KMT2B: variants seen among roughly 807,000 people sequenced by gnomAD.
KMT2B encodes the protein histone-lysine N-methyltransferase 2B.
A neutral mutation model predicts 255.3 loss-of-function variants in KMT2B; 22 were observed. That is an observed-to-expected ratio of 0.09 (90% CI 0.06 to 0.12). The LOEUF (loss-of-function observed/expected upper bound fraction) is 0.12, where lower values mean the gene tolerates loss of function less well. KMT2B is among the 10% of genes least tolerant of loss of function. The pLI is 1.00. For synonymous variants in KMT2B, 1,730 were observed against 1,498.1 expected, an observed-to-expected ratio of 1.15 and a Z score of -3.57; for missense variants, 3,149 against 3,737.0, an observed-to-expected ratio of 0.84 and a Z score of 4.10.
rs1969207157 is a variant in KMT2B at position 35,721,506 on chromosome 19, C to G, written c.2159C>G (p.Ser720Cys). The G allele has an allele frequency of 1.2e-6, 2 of 1,612,216 alleles. No individual in the cohort carries two copies. Among genetic ancestry groups the G allele is most frequent in the Non-Finnish European group, 1.7e-6 (2 of 1,179,876 alleles). ...ACCACTCCTGTTAAGGCCGAGGTGT[C>G]CCCTCACGGGGCTCCAGCTCTGAGC... ...VVTTPVKAEV[S>C]PHGAPALSNG... is the part of the protein sequence containing the mutation. The change falls in exon 3 of 37, where the codon TCC (serine) becomes TGC (cysteine). Residue 720 changes from serine (S) to cysteine (C), a missense_variant. Ser to Cys is a moderately radical substitution (Grantham distance 112). Around this residue, in one of 18 missense-constraint regions of KMT2B, gnomAD observed 1,188 missense variants for 1,106.4 expected, o/e 1.07. Coordinates refer to ENST00000420124, the MANE Select transcript of KMT2B (RefSeq NM_014727.3).
rs771926530 is a variant in KMT2B, at chr19:35,730,654, C to G, written c.5276+38C>G. 4 of 1,613,738 alleles carry G rather than the reference C, an allele frequency of 2.5e-6. No homozygotes were observed. The South Asian group carries it at 4.4e-5, about 18-fold the overall frequency. ...GGTGATCCATGGGGCCAGGGGACTC[C>G]ATAGCTGGATCCCATTTCCCAAGCA... is the stretch of plus-strand genomic sequence containing the variant. On this transcript the variant is annotated intron_variant, in intron 25 of 36. Coordinates refer to ENST00000420124, the MANE Select transcript of KMT2B (RefSeq NM_014727.3).
rs745812917 is a variant in KMT2B at position 35,721,428 on chromosome 19, G to A, written c.2081G>A (p.Arg694Gln). The A allele has an allele frequency of 5.0e-6, 8 of 1,611,872 alleles. No individual in the cohort carries two copies. The highest frequency in any genetic ancestry group is 1.6e-4 in the Middle Eastern group (1 of 6,062). Residue 694 changes from arginine (R) to glutamine (Q), a missense_variant, in exon 3 of 37, where the codon CGG becomes CAG. This residue lies in a region of KMT2B where 1,188 missense variants were observed against 1,106.4 expected (regional missense o/e 1.07). Transcript: ENST00000420124. ...GACTCTCCAGCTGAGCCTGAGCCTC[G>A]GGCAGTGGGCCGCACCAACCACCTC... ...ADDSPAEPEP[R>Q]AVGRTNHLSL... is the part of the protein sequence containing the mutation.
At position 35,737,291 on chromosome 19, in the gene KMT2B, G is replaced by A. The variant is rs374864424; in HGVS notation, c.7550+28G>A. 4 of 1,471,356 alleles carry A rather than the reference G, an allele frequency of 2.7e-6. No individual in the cohort carries two copies. Among genetic ancestry groups the A allele is most frequent in the Admixed American group, 5.2e-5 (2 of 38,564 alleles). The allele number at this position is 1,471,356 out of a possible 1,614,324, so 91.1% of individuals were successfully genotyped here. A position where few individuals can be genotyped will look rare whatever the true frequency, so the allele number is the denominator to read the frequency against. On this transcript the variant is annotated intron_variant, in intron 33 of 36. Transcript: ENST00000420124. The surrounding 1 kb of genome is among the most constrained non-coding windows in gnomAD (Gnocchi z 5.3). ...GAGAGGTCTGGGGTGTGATGCCTGG[G>A]TCAGGGCGCCCCTATGAGAGCTCTT...
At position 35,733,032 on chromosome 19, in the gene KMT2B, C is replaced by T. The variant is rs1182430434; in HGVS notation, c.6483C>T (p.Arg2161=). The T allele has an allele frequency of 1.3e-6, 2 of 1,591,428 alleles. No individual in the cohort carries two copies. Among genetic ancestry groups the T allele is most frequent in the African/African-American group, 1.3e-5 (1 of 74,576 alleles). ...CCGCCAGCCCAGCTGACCCCACCCG[C>T]ACATTTGCCTGGCTCCCAGGGGCCC... is the stretch of plus-strand genomic sequence containing the variant. The part of the protein sequence containing the change: ...GLTASPADPT[R]TFAWLPGAPG... Residue 2161 remains arginine (R), a synonymous_variant, in exon 28 of 37, where the codon CGC becomes CGT. Coordinates refer to ENST00000420124, the MANE Select transcript of KMT2B (RefSeq NM_014727.3). This position sits in a 1 kb window ranked among gnomAD's most constrained non-coding sequence, Gnocchi z 4.3.
Position 35,738,442 on chromosome 19 carries a change from G to A in KMT2B, c.8033G>A (p.Arg2678His). 1.2e-6 allele frequency: 2 copies of A among 1,614,080 alleles called. No homozygotes were observed. The highest frequency in any genetic ancestry group is 1.7e-6 in the Non-Finnish European group (2 of 1,179,966). ...AAACACATTGTTATCTTCGCCCTGC[G>A]CCGCATCCTGCGTGGTGAGGAGCTC... ...GQKHIVIFAL[R>H]RILRGEELTY... is the part of the protein sequence containing the mutation. The change falls in exon 37 of 37, where the codon CGC (arginine) becomes CAC (histidine). Residue 2678 changes from arginine (R) to histidine (H), a missense_variant. By Grantham distance (29) the Arg-to-His change is conservative. Around this residue, in one of 18 missense-constraint regions of KMT2B, gnomAD observed 56 missense variants for 238.8 expected, o/e 0.23. Transcript: ENST00000420124. The surrounding 1 kb of genome is among the most constrained non-coding windows in gnomAD (Gnocchi z 8.7).
At position 35,721,327 on chromosome 19, in the gene KMT2B, G is replaced by T; in HGVS notation, c.1980G>T (p.Lys660Asn). The T allele has an allele frequency of 6.4e-7, 1 of 1,559,346 alleles. No homozygotes were observed. ...PQFTPSEAHL[K>N]IYESVLTPPP... Reference sequence around the variant, plus strand: ...TTACCCCAAGCGAAGCCCACCTGAAGATCTACGAATCGGTGCTTACTCCTC... The same window carrying T: ...TTACCCCAAGCGAAGCCCACCTGAATATCTACGAATCGGTGCTTACTCCTC... The change falls in exon 3 of 37, where the codon AAG (lysine) becomes AAT (asparagine). Residue 660 changes from lysine to asparagine, a missense_variant. Around this residue, in one of 18 missense-constraint regions of KMT2B, gnomAD observed 1,188 missense variants for 1,106.4 expected, o/e 1.07. Coordinates refer to ENST00000420124, the MANE Select transcript of KMT2B (RefSeq NM_014727.3).
In KMT2B at chr19:35,727,578, C is replaced by T. The variant is rs760798409; in HGVS notation, c.4258C>T (p.Leu1420=). 6.2e-7 allele frequency: 1 copy of T among 1,605,918 alleles called. No individual in the cohort carries two copies. The highest frequency in any genetic ancestry group is 8.5e-7 in the Non-Finnish European group (1 of 1,177,614). ...GGGCCTGCGCCAGGTGCTCCAGGGC[C>T]TGCTGAGCTCCAAGGTGGTGGGCCC... The part of the protein sequence containing the change: ...QGGLRQVLQG[L]LSSKVVGPLL... The change falls in exon 16 of 37, where the codon CTG becomes TTG. Residue 1420 remains leucine (L), a synonymous_variant. Coordinates refer to ENST00000420124, the MANE Select transcript of KMT2B (RefSeq NM_014727.3). The surrounding 1 kb of genome is among the most constrained non-coding windows in gnomAD (Gnocchi z 4.2).
intron 30 of KMT2B, chr19:35,736,022 T>G (rs1969902313): frequency 6.5e-6 from 1 of 152,736 alleles, no homozygotes; most frequent in Admixed American, 6.5e-5. Context: ...CCCAGCACTT[T>G]GGGAGGCCGA....
In KMT2B at chr19:35,718,757, G is replaced by A. The variant is rs1488533586; in HGVS notation, c.363+376G>A. Among the ~76,000 whole-genome samples the A allele has an allele frequency of 2.6e-5, 4 of 152,000 alleles. No homozygotes were observed. The highest frequency in any genetic ancestry group is 1.9e-4 in the East Asian group (1 of 5,160). ...TGGCAGACAGGTTGGAGCTGTCTGGGCTCTTACCTGTGGGCCGCCCCGCCG... is the reference window on the plus strand; with the variant it reads ...TGGCAGACAGGTTGGAGCTGTCTGGACTCTTACCTGTGGGCCGCCCCGCCG... On this transcript the variant is annotated intron_variant, in intron 1 of 36. Transcript: ENST00000420124. The surrounding 1 kb of genome is among the most constrained non-coding windows in gnomAD (Gnocchi z 5.0).
chr19:35,718,054 G>C lies in KMT2B; in HGVS notation c.36G>C (p.Gly12=). Residue 12 remains glycine, a synonymous_variant, in exon 1 of 37, where the codon GGG becomes GGC. Coordinates refer to ENST00000420124, the MANE Select transcript of KMT2B (RefSeq NM_014727.3). The surrounding 1 kb of genome is among the most constrained non-coding windows in gnomAD (Gnocchi z 5.0). ...AAAAGGGSCP[G]PGSARGRFPG... ...CGGCGGGCGGCGGCAGTTGCCCCGG[G>C]CCTGGCTCCGCGCGGGGCCGCTTCC... 1.0e-6 allele frequency: 1 copy of C among 986,698 alleles called. No individual in the cohort carries two copies. The highest frequency in any genetic ancestry group is 1.2e-6 in the Non-Finnish European group (1 of 832,090). 61.1% of individuals were successfully genotyped at this position (986,698 alleles called of 1,614,324 possible).
chr19:35,732,281 G>C lies in KMT2B; in HGVS notation c.5732G>C (p.Arg1911Thr). The change falls in exon 28 of 37, where the codon AGA becomes ACA. Residue 1911 changes from arginine (R) to threonine (T), a missense_variant. Arg to Thr is a moderately conservative substitution (Grantham distance 71, BLOSUM62 -1). This residue lies in a region of KMT2B where 897 missense variants were observed against 825.3 expected (regional missense o/e 1.09). Coordinates refer to ENST00000420124, the MANE Select transcript of KMT2B (RefSeq NM_014727.3). The stretch of plus-strand genomic sequence containing the variant: ...GACCCGGACTTCCCAGCTCCCCCCA[G>C]ACGTTCCCGTCGTCCCAGCCCTTTG... ...VGDPDFPAPPRRSRRPSPLAP... is the reference protein window; with the variant it reads ...VGDPDFPAPPTRSRRPSPLAP... 1 of 1,610,616 alleles carries C rather than the reference G, an allele frequency of 6.2e-7. No homozygotes were observed. The highest frequency in any genetic ancestry group is 2.2e-5 in the East Asian group (1 of 44,680).
In KMT2B at chr19:35,718,360, T is replaced by G; in HGVS notation, c.342T>G (p.Ser114Arg). The G allele has an allele frequency of 7.9e-7, 1 of 1,268,084 alleles. No individual in the cohort carries two copies. Among genetic ancestry groups the G allele is most frequent in the Non-Finnish European group, 1.0e-6 (1 of 1,000,336 alleles). 78.6% of individuals were successfully genotyped at this position (1,268,084 alleles called of 1,614,324 possible). A position where few individuals can be genotyped will look rare whatever the true frequency, so the allele number is the denominator to read the frequency against. Residue 114 changes from serine (S) to arginine (R), a missense_variant, in exon 1 of 37, where the codon AGT becomes AGG. Coordinates refer to ENST00000420124, the MANE Select transcript of KMT2B (RefSeq NM_014727.3). This position sits in a 1 kb window ranked among gnomAD's most constrained non-coding sequence, Gnocchi z 5.0. ...GCTGCGTGCCGGAGGAGGAGAGCAG[T>G]GACGGGGAATCCGACGAGGAGGTGA... ...SRGCVPEEES[S>R]DGESDEEEFQ...
chr19:35,725,869 C>G lies in KMT2B; in HGVS notation c.3885+51C>G, dbSNP rs1445632573. ...CTTTGTCTCTAATGAATATCACCAC[C>G]ACCCCCAAACTTGCTCTAGGCTGGG... On this transcript the variant is annotated intron_variant, in intron 13 of 36. Transcript: ENST00000420124. This position sits in a 1 kb window ranked among gnomAD's most constrained non-coding sequence, Gnocchi z 4.1. 4 of 1,447,436 alleles carry G rather than the reference C, an allele frequency of 2.8e-6. No homozygotes were observed. Among genetic ancestry groups the G allele is most frequent in the Non-Finnish European group, 3.8e-6 (4 of 1,052,982 alleles). 89.7% of individuals were successfully genotyped at this position (1,447,436 alleles called of 1,614,324 possible). A position where few individuals can be genotyped will look rare whatever the true frequency, so the allele number is the denominator to read the frequency against.
Position 35,738,665 on chromosome 19 carries a change from C to T in KMT2B, c.*108C>T. 4 of 1,285,416 alleles carry T rather than the reference C, an allele frequency of 3.1e-6. No individual in the cohort carries two copies. The highest frequency in any genetic ancestry group is 4.5e-4 in the Middle Eastern group (2 of 4,488). The allele number at this position is 1,285,416 out of a possible 1,614,324, so 79.6% of individuals were successfully genotyped here. ...CCTCCCAGAGCATCTCACCCCCACC[C>T]TCATGTTCAGGGTGGATGTGGGCAT... is the stretch of plus-strand genomic sequence containing the variant. On this transcript the variant is annotated 3_prime_UTR_variant, in exon 37 of 37. Transcript: ENST00000420124. This position sits in a 1 kb window ranked among gnomAD's most constrained non-coding sequence, Gnocchi z 8.7.
rs768541536 is a variant in KMT2B, at chr19:35,721,528, G to C, written c.2181G>C (p.Leu727=). 1 of 1,611,692 alleles carries C rather than the reference G, an allele frequency of 6.2e-7. No individual in the cohort carries two copies. The highest frequency in any genetic ancestry group is 8.5e-7 in the Non-Finnish European group (1 of 1,179,850). The change falls in exon 3 of 37, where the codon CTG becomes CTC. Residue 727 remains leucine, a synonymous_variant. Transcript: ENST00000420124. The part of the protein sequence containing the change: ...AEVSPHGAPA[L]SNGPQTQAQL... ...TGTCCCCTCACGGGGCTCCAGCTCT[G>C]AGCAACGGGCCACAGACACAGGCTC... is the stretch of plus-strand genomic sequence containing the variant.
Position 35,726,366 on chromosome 19 carries a change from C to T in KMT2B, c.4003+13C>T. ...CTATATGAGAAAGGTGGGGACCGGG[C>T]AGGGGAACTGGATGCTGGGGGCCAC... On this transcript the variant is annotated intron_variant, in intron 14 of 36. Coordinates refer to ENST00000420124, the MANE Select transcript of KMT2B (RefSeq NM_014727.3). 6.4e-7 allele frequency: 1 copy of T among 1,564,142 alleles called. No individual in the cohort carries two copies. Among genetic ancestry groups the T allele is most frequent in the Non-Finnish European group, 8.8e-7 (1 of 1,134,720 alleles).
Position 35,733,304 on chromosome 19 carries a change from C to A in KMT2B, c.6755C>A (p.Ala2252Asp). ...CCCGTGGTCGGAGTGGTCCGCCCTG[C>A]CCCGCCCCCGCCACCCCCTCCCCTG... ...VLPVVGVVRP[A>D]PPPPPPPLTL... The change falls in exon 28 of 37, where the codon GCC becomes GAC. Residue 2252 changes from alanine to aspartate, a missense_variant. Ala to Asp is a moderately radical substitution (Grantham distance 126). This residue lies in a region of KMT2B where 897 missense variants were observed against 825.3 expected (regional missense o/e 1.09). Transcript: ENST00000420124. This position sits in a 1 kb window ranked among gnomAD's most constrained non-coding sequence, Gnocchi z 4.3. 2.4e-6 allele frequency: 2 copies of A among 840,752 alleles called. No individual in the cohort carries two copies. Among genetic ancestry groups the A allele is most frequent in the East Asian group, 3.6e-5 (1 of 27,594 alleles). The allele number at this position is 840,752 out of a possible 1,614,324, so 52.1% of individuals were successfully genotyped here.
At position 35,737,192 on chromosome 19, in the gene KMT2B, C is replaced by T. The variant is rs1969951678; in HGVS notation, c.7479C>T (p.His2493=). ...GCCAGCACTATAAGTTCCGTTACCACCAGCAGGGAGAGGGCCAGGAGGAGC... is the reference window on the plus strand; with the variant it reads ...GCCAGCACTATAAGTTCCGTTACCATCAGCAGGGAGAGGGCCAGGAGGAGC... ...QRCQHYKFRY[H]QQGEGQEEPP... Residue 2493 remains histidine (H), a synonymous_variant, in exon 33 of 37, where the codon CAC becomes CAT. Transcript: ENST00000420124. This position sits in a 1 kb window ranked among gnomAD's most constrained non-coding sequence, Gnocchi z 5.3. 5 of 1,599,100 alleles carry T rather than the reference C, an allele frequency of 3.1e-6. No individual in the cohort carries two copies. The highest frequency in any genetic ancestry group is 4.3e-6 in the Non-Finnish European group (5 of 1,173,120).
At chr19:35,729,759 C>T (rs540915580) in intron 22 of KMT2B, among the ~76,000 whole-genome samples, 5 of 152,350 alleles carry the variant, frequency 3.3e-5, no homozygotes, top group South Asian at 4.1e-4. Flanking sequence ...CACACTAATG[C>T]TATCAGCAAG....
Sources: gnomAD v4.1 joint callset for allele counts (sites outside exome capture counted in the v4.1 genomes callset) on GRCh38, gnomAD v4.1.1 for gene constraint, gnomAD v4.1.1 regional missense constraint, Gnocchi (gnomAD v3.1) non-coding constraint, MANE v1.5 for transcripts, NCBI Gene and HGNC (gene_info 2026-07-23, HGNC 2026-07-21) for gene names.